The following RASAL2 variants were observed in gnomAD, a reference collection of about 807,000 sequenced individuals.
RASAL2 encodes RAS protein activator like 2, also known as ras GTPase-activating protein nGAP.
In RASAL2, 58 loss-of-function variants were observed where a neutral mutation model predicts 128.9. The ratio of observed to expected loss-of-function variants is 0.45; its 90% CI spans 0.36 to 0.56. The LOEUF is 0.56. Among genes scored for constraint, RASAL2 ranks in the 20% least tolerant of loss-of-function variants. The pLI is 0.00. For missense variants in RASAL2, 1,360 were observed against 1,601.6 expected (o/e 0.85, Z 2.57); for synonymous variants, 561 against 580.8 (o/e 0.97, Z 0.49).
intron 1 of RASAL2, among the ~76,000 whole-genome samples, chr1:178,126,330 G>A (rs1659899835): frequency 6.6e-6 from 1 of 152,108 alleles, no homozygotes; most frequent in Non-Finnish European, 1.5e-5. Flanking sequence ...TTTTAAGATT[G>A]TAGACAGTAA....
chr1:178,327,642 G>A (rs1669098347), intron 3 of RASAL2, among the ~76,000 whole-genome samples: 1 of 152,134 alleles, frequency 6.6e-6, no homozygotes. Context: ...ATGAGCCACT[G>A]TGCCCAGCCA....
chr1:178,171,556 G>A (rs1354326778), intron 1 of RASAL2, among the ~76,000 whole-genome samples: 1 of 151,978 alleles, frequency 6.6e-6, no homozygotes, highest in Non-Finnish European at 1.5e-5. Flanking sequence ...TATAGTTGGG[G>A]TGCACAGGTT....
At chr1:178,262,722 A>T (rs982746811) in intron 1 of RASAL2, among the ~76,000 whole-genome samples, 30 of 152,090 alleles carry the variant, frequency 2.0e-4, no homozygotes, top group Admixed American at 5.9e-4. Flanking sequence ...GGAGTATTTG[A>T]TAACTGGTTA....
chr1:178,273,354 A>G (rs1178560828), intron 1 of RASAL2, among the ~76,000 whole-genome samples: 1 of 152,220 alleles, frequency 6.6e-6, no homozygotes, highest in Non-Finnish European at 1.5e-5. Flanking sequence ...TAGTTTTAGA[A>G]AGCCTTGTAA....
At chr1:178,389,228 G>A in intron 3 of RASAL2, 2 of 975,292 alleles carry the variant, frequency 2.1e-6, no homozygotes, top group Non-Finnish European at 2.4e-6. Context: ...TCCATGTTGA[G>A]ATTATCTAAT....
intron 1 of RASAL2, chr1:178,194,457 C>T (rs938323700): frequency 1.4e-4 from 29 of 208,090 alleles, no homozygotes; most frequent in Non-Finnish European, 2.7e-4. Context: ...GCCTCACTTG[C>T]CTCTGGAAGT....
intron 1 of RASAL2, among the ~76,000 whole-genome samples, chr1:178,244,121 T>G (rs944143882): frequency 6.6e-6 from 1 of 152,238 alleles, no homozygotes; most frequent in South Asian, 2.1e-4. Context: ...TTTGCACTTA[T>G]ACAGTATTCA....
At chr1:178,199,225 A>G (rs1050948421) in intron 1 of RASAL2, among the ~76,000 whole-genome samples, 2 of 152,212 alleles carry the variant, frequency 1.3e-5, no homozygotes, top group African/African-American at 4.8e-5. Context: ...TCCCTTGGCT[A>G]GGAAAGGGAA....
At chr1:178,470,424 A>C (rs1648140639) in intron 17 of RASAL2, among the ~76,000 whole-genome samples, 2 of 152,096 alleles carry the variant, frequency 1.3e-5, no homozygotes. Flanking sequence ...AAGGATGAGC[A>C]CTCCTTTGGT....
At chr1:178,142,476 C>T (rs1482610061) in intron 1 of RASAL2, among the ~76,000 whole-genome samples, 1 of 152,154 alleles carries the variant, frequency 6.6e-6, no homozygotes, top group Non-Finnish European at 1.5e-5. Context: ...AGCACAAGGT[C>T]ATTGGTTAGG....
chr1:178,208,741 C>T (rs903831685), intron 1 of RASAL2, among the ~76,000 whole-genome samples: 1 of 152,260 alleles, frequency 6.6e-6, no homozygotes, highest in East Asian at 1.9e-4. Context: ...TGTACCTACT[C>T]TCTGTTATTA....
intron 1 of RASAL2, among the ~76,000 whole-genome samples, chr1:178,212,743 G>T (rs960956201): frequency 6.6e-6 from 1 of 152,150 alleles, no homozygotes; most frequent in Non-Finnish European, 1.5e-5. Context: ...ACCTGCCTCA[G>T]CCTCCCAAAA....
At chr1:178,221,751 CT>C (rs1663620553) in intron 1 of RASAL2, among the ~76,000 whole-genome samples, 1 of 152,142 alleles carries the variant, frequency 6.6e-6, no homozygotes, top group African/African-American at 2.4e-5. Flanking sequence ...ATGAAGTAGT[CT>C]GTAGATGTCA....
chr1:178,290,355 C>G (rs140057660), intron 2 of RASAL2, among the ~76,000 whole-genome samples: 192 of 152,250 alleles, frequency 1.3e-3, no homozygotes, highest in African/African-American at 4.6e-3. Context: ...CATGATATAT[C>G]TACCCAGAAC....
At chr1:178,311,025 A>G (rs1045667653) in intron 3 of RASAL2, among the ~76,000 whole-genome samples, 2 of 152,124 alleles carry the variant, frequency 1.3e-5, no homozygotes, top group Non-Finnish European at 2.9e-5. Context: ...CCTAAGGCCA[A>G]GTTCTTAGGA....
intron 2 of RASAL2, among the ~76,000 whole-genome samples, chr1:178,294,822 G>T (rs756751616): frequency 1.3e-5 from 2 of 152,202 alleles, no homozygotes; most frequent in East Asian, 3.8e-4. Context: ...ACAGAATTTT[G>T]CATCTGAAAG....
Position 178,244,874 on chromosome 1 carries a change from A to G in RASAL2, c.203-38690A>G, listed in dbSNP as rs569801239. 4.6e-5 allele frequency among the ~76,000 whole-genome samples: 7 copies of G among 152,118 alleles called. No homozygotes were observed. The East Asian group carries it at 1.2e-3, about 25-fold the overall frequency. On this transcript the variant is annotated intron_variant, in intron 1 of 17. Transcript: ENST00000367649. ...AGTTTGCTGAGGGTGATGGTTTCCA[A>G]CTTCATCCGTGTCCCTCCAAAGGAC...
chr1:178,321,415 C>A (rs560161521), intron 3 of RASAL2, among the ~76,000 whole-genome samples: 11 of 152,198 alleles, frequency 7.2e-5, no homozygotes, highest in South Asian at 2.1e-4. Context: ...TTTTTCAATA[C>A]CCTGAAATCT....
At chr1:178,432,929 G>GT (rs1298818782) in intron 5 of RASAL2, among the ~76,000 whole-genome samples, 1 of 151,986 alleles carries the variant, frequency 6.6e-6, no homozygotes. Context: ...TAGTTTTACT[G>GT]AGACACACAT....
Sources: allele counts gnomAD v4.1 joint callset (sites outside exome capture counted in the v4.1 genomes callset), GRCh38; gene constraint gnomAD v4.1.1; transcripts MANE v1.5; gene names NCBI Gene and HGNC (gene_info 2026-07-23, HGNC 2026-07-21).